The following EZH2 variants were observed in gnomAD, a reference collection of about 807,000 sequenced individuals.
EZH2 encodes histone-lysine N-methyltransferase EZH2.
EZH2 carries 18 observed loss-of-function variants against 98.4 expected under a neutral mutation model. The ratio of observed to expected loss-of-function variants is 0.18; its 90% CI spans 0.13 to 0.27. The LOEUF (loss-of-function observed/expected upper bound fraction) is 0.27. Among genes scored for constraint, EZH2 ranks in the 10% least tolerant of loss-of-function variants. The pLI, the probability that EZH2 is intolerant of heterozygous loss-of-function variation, is 1.00. For missense variants in EZH2, 470 were observed against 935.1 expected, an observed-to-expected ratio of 0.50 and a Z score of 6.49; for synonymous variants, 338 against 312.3, an observed-to-expected ratio of 1.08 and a Z score of -0.87.
Position 148,828,752 on chromosome 7 carries a change from C to A in EZH2, c.613G>T (p.Asp205Tyr), listed in dbSNP as rs1342246023. The change falls in exon 6 of 20, where the codon GAT becomes TAT. Residue 205 changes from aspartate (D) to tyrosine (Y), a missense_variant. By Grantham distance (160) the Asp-to-Tyr change is radical (BLOSUM62 -3). Coordinates refer to ENST00000320356, the MANE Select transcript of EZH2 (RefSeq NM_004456.5). ...EREEKQKDLE[D>Y]HRDDKESRPP... Reference sequence around the variant, plus strand: ...TAATCAGGCATACCATCTCGGTGATCCTCCAGATCTTTCTGCTTTTCTTCT... The same window carrying A: ...TAATCAGGCATACCATCTCGGTGATACTCCAGATCTTTCTGCTTTTCTTCT... 6.2e-7 allele frequency: 1 copy of A among 1,613,030 alleles called. No individual in the cohort carries two copies. Among genetic ancestry groups the A allele is most frequent in the Admixed American group, 1.7e-5 (1 of 59,802 alleles).
At chr7:148,823,967 C>G (rs1286546739) in intron 8 of EZH2, among the ~76,000 whole-genome samples, 1 of 152,156 alleles carries the variant, frequency 6.6e-6, no homozygotes, top group African/African-American at 2.4e-5. Flanking sequence ...AAAGGAAGTA[C>G]TACCGTATCC....
At chr7:148,834,362 C>T (rs865877231) in intron 3 of EZH2, among the ~76,000 whole-genome samples, 4,586 of 147,302 alleles carry the variant, frequency 0.031, 105 homozygotes, top group African/African-American at 0.058. Context: ...TACACACACA[C>T]ACACACACAC....
intron 1 of EZH2, among the ~76,000 whole-genome samples, chr7:148,882,558 AGTT>A (rs1465725596): frequency 2.0e-5 from 3 of 152,230 alleles, no homozygotes; most frequent in South Asian, 4.1e-4. Flanking sequence ...CAAATAAACA[AGTT>A]AGGATTACAC....
intron 19 of EZH2, among the ~76,000 whole-genome samples, chr7:148,808,459 A>C (rs1452594883): frequency 6.6e-6 from 1 of 152,168 alleles, no homozygotes; most frequent in Admixed American, 6.5e-5. Flanking sequence ...ACTGCACTTA[A>C]ATCTGTATTC....
chr7:148,860,636 G>T (rs997576462), intron 1 of EZH2, among the ~76,000 whole-genome samples: 4 of 152,116 alleles, frequency 2.6e-5, no homozygotes, highest in Admixed American at 2.0e-4. Context: ...TAACATAATA[G>T]AAATGAAAAA....
chr7:148,840,076 GA>G (rs1563001718), intron 3 of EZH2, among the ~76,000 whole-genome samples: 1 of 152,148 alleles, frequency 6.6e-6, no homozygotes, highest in Admixed American at 6.6e-5. Flanking sequence ...TAGGTAAACA[GA>G]CATTCCATAA....
intron 8 of EZH2, among the ~76,000 whole-genome samples, chr7:148,820,069 A>G (rs1805568183): frequency 6.6e-6 from 1 of 152,236 alleles, no homozygotes; most frequent in Non-Finnish European, 1.5e-5. Context: ...ATTCTGACAT[A>G]CAATTTCTTG....
Position 148,817,505 on chromosome 7 carries a change from T to C in EZH2, c.1241-114A>G, listed in dbSNP as rs981962780. ...AAAGATGAGGACAACTCAAATCCAA[T>C]CGGCAAAACACTAACCCATCGTAGT... On this transcript the variant is annotated intron_variant, in intron 10 of 19. Coordinates refer to ENST00000320356, the MANE Select transcript of EZH2 (RefSeq NM_004456.5). 10 of 1,016,952 alleles carry C rather than the reference T, an allele frequency of 9.8e-6. No homozygotes were observed. In the African/African-American group the frequency reaches 1.5e-4, roughly 15 times the overall value. 63.0% of individuals were successfully genotyped at this position (1,016,952 alleles called of 1,614,324 possible).
intron 10 of EZH2, 53 bp downstream of exon 10, chr7:148,817,824 C>G (rs774325789): frequency 6.2e-7 from 1 of 1,612,700 alleles, no homozygotes; most frequent in Non-Finnish European, 8.5e-7. Flanking sequence ...CCTTAATCCT[C>G]ACAACACGAA....
intron 14 of EZH2, 111 bp from the exon 15 acceptor site, chr7:148,814,248 C>T (rs996505221): frequency 8.9e-6 from 8 of 896,376 alleles, no homozygotes; most frequent in Admixed American, 2.2e-5. Context: ...ACCCTCACAA[C>T]CACCTTATTA....
chr7:148,817,848 G>A (rs758662638), intron 10 of EZH2, 29 bp downstream of exon 10: 2 of 1,614,074 alleles, frequency 1.2e-6, no homozygotes, highest in Non-Finnish European at 1.7e-6. Context: ...TCACAGAACA[G>A]TAAAACCCAG....
At chr7:148,864,809 T>A (rs1818204044) in intron 1 of EZH2, among the ~76,000 whole-genome samples, 1 of 151,798 alleles carries the variant, frequency 6.6e-6, no homozygotes, top group Non-Finnish European at 1.5e-5. Flanking sequence ...ACAGAAACAC[T>A]GTTGGAGGAA....
chr7:148,817,781 C>A, intron 10 of EZH2, 96 bp downstream of exon 10: 1 of 1,525,250 alleles, frequency 6.6e-7, no homozygotes, highest in African/African-American at 1.4e-5. Context: ...CTGAAACTAA[C>A]CAACTAAGAA....
intron 1 of EZH2, among the ~76,000 whole-genome samples, chr7:148,862,256 C>G (rs1186312902): frequency 1.3e-5 from 2 of 152,162 alleles, no homozygotes; most frequent in Non-Finnish European, 2.9e-5. Context: ...ATCTTTAACT[C>G]AGGCACAATG....
chr7:148,855,813 G>A (rs1344064173), intron 1 of EZH2, among the ~76,000 whole-genome samples: 1 of 147,078 alleles, frequency 6.8e-6, no homozygotes, highest in African/African-American at 2.5e-5. Flanking sequence ...CAGGAGAATC[G>A]CTTGAACCTA....
At chr7:148,807,783 G>T in intron 19 of EZH2, 77 bp from the exon 20 acceptor site, 2 of 792,880 alleles carry the variant, frequency 2.5e-6, no homozygotes, top group Non-Finnish European at 4.1e-6. Context: ...AACAAAGCCT[G>T]CTGAAGATAG....
At chr7:148,863,755 T>C (rs1004618098) in intron 1 of EZH2, among the ~76,000 whole-genome samples, 1 of 152,178 alleles carries the variant, frequency 6.6e-6, no homozygotes, top group African/African-American at 2.4e-5. Flanking sequence ...ACCTGCAAAG[T>C]GCTAGAAGAA....
chr7:148,813,365 C>A (rs886767339), intron 15 of EZH2, among the ~76,000 whole-genome samples: 1 of 151,162 alleles, frequency 6.6e-6, no homozygotes, highest in African/African-American at 2.4e-5. Context: ...TTCCCAAATA[C>A]ATGCTGCTGA....
Position 148,807,950 on chromosome 7 carries a change from T to C in EZH2, c.2196-244A>G, listed in dbSNP as rs74580325. On this transcript the variant is annotated intron_variant, in intron 19 of 19. Coordinates refer to ENST00000320356, the MANE Select transcript of EZH2 (RefSeq NM_004456.5). ...TGCCAAGTTCTGAAGTGAACAAACCTGTCTACAAGCATTCCCAGAGCCTGA... is the reference window on the plus strand; with the variant it reads ...TGCCAAGTTCTGAAGTGAACAAACCCGTCTACAAGCATTCCCAGAGCCTGA... 9.4e-3 allele frequency among the ~76,000 whole-genome samples: 1,427 copies of C among 152,232 alleles called. 25 individuals are homozygous for C. Among genetic ancestry groups the C allele is most frequent in the African/African-American group, 0.032 (1,337 of 41,542 alleles).
Sources: allele counts gnomAD v4.1 joint callset (sites outside exome capture counted in the v4.1 genomes callset), GRCh38; gene constraint gnomAD v4.1.1; transcripts MANE v1.5; gene names NCBI Gene and HGNC (gene_info 2026-07-23, HGNC 2026-07-21).